Variants in STK26 observed in about 807,000 individuals in gnomAD.
The protein encoded by STK26 is serine/threonine-protein kinase 26.
Under a neutral mutation model 34.7 loss-of-function variants are expected in STK26, and 14 were observed. That is an observed-to-expected ratio of 0.40 (90% CI 0.27 to 0.63). STK26 has a LOEUF of 0.63. STK26 is among the 30% of genes least tolerant of loss of function. The probability of loss-of-function intolerance (pLI) is 0.38; values close to 1 mark genes in which losing one functional copy is unlikely to be tolerated. For missense variants in STK26, 226 were observed against 309.1 expected, an observed-to-expected ratio of 0.73 and a Z score of 2.02; for synonymous variants, 100 against 109.8, an observed-to-expected ratio of 0.91 and a Z score of 0.56.
Position 132,074,245 on chromosome X carries a change from C to T in STK26, c.*86C>T. On this transcript the variant is annotated 3_prime_UTR_variant, in exon 12 of 12. Transcript: ENST00000394334. ...AGATTAACAATGCTTAACCCATGAGCTCCATGTGCCTTTTGGATCTTTGCA... is the reference window on the plus strand; with the variant it reads ...AGATTAACAATGCTTAACCCATGAGTTCCATGTGCCTTTTGGATCTTTGCA... The T allele has an allele frequency of 1.1e-6, 1 of 928,848 alleles. No individual in the cohort carries two copies. The allele number at this position is 928,848 out of a possible 1,213,427, so 76.5% of individuals were successfully genotyped here. A position where few individuals can be genotyped will look rare whatever the true frequency, so the allele number is the denominator to read the frequency against.
At chrX:132,065,594 T>C (rs142536417) in intron 4 of STK26, among the ~76,000 whole-genome samples, 96 of 112,405 alleles carry the variant, frequency 8.5e-4, no homozygotes, top group African/African-American at 2.9e-3. Flanking sequence ...CTCATCCTGC[T>C]ATTCTGAACT....
chrX:132,045,426 T>G (rs1391453209), intron 2 of STK26, among the ~76,000 whole-genome samples: 1 of 111,861 alleles, frequency 8.9e-6, no homozygotes, highest in East Asian at 2.8e-4. Context: ...ACTTCACAGA[T>G]TCACACAGCT....
At chrX:132,062,927 T>C (rs1209084275) in intron 3 of STK26, among the ~76,000 whole-genome samples, 1 of 111,805 alleles carries the variant, frequency 8.9e-6, no homozygotes, top group Non-Finnish European at 1.9e-5. Flanking sequence ...CAACCATTTT[T>C]AAACCTACAT....
chrX:132,068,707 T>C (rs911781910), intron 6 of STK26, 138 bp downstream of exon 6: 4 of 684,875 alleles, frequency 5.8e-6, no homozygotes, highest in Non-Finnish European at 8.3e-6. Context: ...ATTTTGCTGC[T>C]TAATCATAAA....
intron 2 of STK26, among the ~76,000 whole-genome samples, chrX:132,042,125 A>G (rs1926288925): frequency 9.0e-6 from 1 of 111,403 alleles, no homozygotes; most frequent in South Asian, 3.8e-4. Flanking sequence ...AGGGATTAAC[A>G]TATTTACAAG....
chrX:132,039,471 A>G (rs1926183224), intron 2 of STK26, among the ~76,000 whole-genome samples: 1 of 111,588 alleles, frequency 9.0e-6, no homozygotes, highest in Non-Finnish European at 1.9e-5. Flanking sequence ...TGTAAAGTAA[A>G]GAGATTGCAT....
chrX:132,062,246 A>G (rs1189060616), intron 3 of STK26, among the ~76,000 whole-genome samples: 2 of 112,321 alleles, frequency 1.8e-5, no homozygotes, highest in Non-Finnish European at 3.8e-5. Context: ...TGGTCCCACA[A>G]AAATTCAGAG....
chrX:132,047,869 T>G (rs1450005788), intron 2 of STK26, among the ~76,000 whole-genome samples: 1 of 111,705 alleles, frequency 9.0e-6, no homozygotes, highest in East Asian at 2.8e-4. Context: ...TCTAGTTCTA[T>G]GAGGTCAATT....
At position 132,074,211 on chromosome X, in the gene STK26, C is replaced by G. The variant is rs1461535121; in HGVS notation, c.*52C>G. On this transcript the variant is annotated 3_prime_UTR_variant, in exon 12 of 12. Coordinates refer to ENST00000394334, the MANE Select transcript of STK26 (RefSeq NM_016542.4). The stretch of plus-strand genomic sequence containing the variant: ...TATGGACCCAGAGAGCCCCACCAAA[C>G]CTACGTCAAGATTAACAATGCTTAA... The G allele has an allele frequency of 8.8e-7, 1 of 1,134,665 alleles. No homozygotes were observed. Among genetic ancestry groups the G allele is most frequent in the Non-Finnish European group, 1.2e-6 (1 of 837,108 alleles). The allele number at this position is 1,134,665 out of a possible 1,213,427, so 93.5% of individuals were successfully genotyped here.
intron 2 of STK26, among the ~76,000 whole-genome samples, chrX:132,048,309 A>G (rs1197159469): frequency 8.9e-6 from 1 of 112,071 alleles, no homozygotes; most frequent in Non-Finnish European, 1.9e-5. Context: ...AATTTTTTCA[A>G]TTCTTTTAAG....
chrX:132,058,724 G>A (rs1926946756), intron 3 of STK26, among the ~76,000 whole-genome samples: 2 of 111,274 alleles, frequency 1.8e-5, no homozygotes, highest in African/African-American at 3.3e-5. Flanking sequence ...CAAAACCATC[G>A]TCCAAGATAG....
At chrX:132,063,312 C>A in intron 3 of STK26, 121 bp from the exon 4 acceptor site, 2 of 617,468 alleles carry the variant, frequency 3.2e-6, no homozygotes, top group East Asian at 3.4e-5. Context: ...TTTTTAGCTC[C>A]CACAAATAAA....
chrX:132,054,686 G>C lies in STK26; in HGVS notation c.98G>C (p.Gly33Ala). The part of the protein sequence containing the change: ...LFTKLERIGK[G>A]SFGEVFKGID... ...ACAAAATTAGAGCGCATTGGGAAAG[G>C]CTCATTTGGGGAAGTTTTCAAAGGA... The change falls in exon 3 of 12, where the codon GGC (glycine) becomes GCC (alanine). Residue 33 changes from glycine (G) to alanine (A), a missense_variant. Around this residue, in one of 2 missense-constraint regions of STK26, gnomAD observed 100 missense variants for 176.7 expected, o/e 0.57. Transcript: ENST00000394334. 1 of 1,211,553 alleles carries C rather than the reference G, an allele frequency of 8.3e-7. No individual in the cohort carries two copies. Among genetic ancestry groups the C allele is most frequent in the Non-Finnish European group, 1.1e-6 (1 of 895,393 alleles).
In STK26 at chrX:132,072,972, G is replaced by A. The variant is rs762060484; in HGVS notation, c.1105G>A (p.Glu369Lys). 63 of 1,210,150 alleles carry A rather than the reference G, an allele frequency of 5.2e-5. No individual in the cohort carries two copies. The highest frequency in any genetic ancestry group is 7.0e-5 in the Non-Finnish European group (63 of 894,678). ...PAFAELKQQD[E>K]NNASRNQAIE... The stretch of plus-strand genomic sequence containing the variant: ...TCTTTCTCAGCTTAAACAGCAGGAC[G>A]AGAATAACGCTAGCAGGAATCAGGC... The change falls in exon 11 of 12, where the codon GAG becomes AAG. Residue 369 changes from glutamate to lysine, a missense_variant. By Grantham distance (56) the Glu-to-Lys change is moderately conservative (BLOSUM62 1). Around this residue, in one of 2 missense-constraint regions of STK26, gnomAD observed 126 missense variants for 132.4 expected, o/e 0.95. Coordinates refer to ENST00000394334, the MANE Select transcript of STK26 (RefSeq NM_016542.4).
Position 132,072,801 on chromosome X carries a change from A to G in STK26, c.1027-12A>G, listed in dbSNP as rs780732043. On this transcript the variant is annotated splice_polypyrimidine_tract_variant and intron_variant, in intron 9 of 11. Transcript: ENST00000394334. ...TAATTTCATGTGTATAATCTATATTATTTGTTCAAAGGAGCAAGATCTTGT... is the reference window on the plus strand; with the variant it reads ...TAATTTCATGTGTATAATCTATATTGTTTGTTCAAAGGAGCAAGATCTTGT... 27 of 1,200,163 alleles carry G rather than the reference A, an allele frequency of 2.2e-5. 1 individual carries two copies. In the Admixed American group the frequency reaches 3.5e-4, roughly 16 times the overall value.
chrX:132,049,053 A>C (rs759455263), intron 2 of STK26, among the ~76,000 whole-genome samples: 1 of 111,931 alleles, frequency 8.9e-6, no homozygotes, highest in East Asian at 2.8e-4. Flanking sequence ...ATCATGGCTC[A>C]CTGTAGCCTC....
intron 2 of STK26, among the ~76,000 whole-genome samples, chrX:132,037,501 A>G (rs1233333361): frequency 8.9e-6 from 1 of 111,883 alleles, no homozygotes; most frequent in African/African-American, 3.2e-5. Flanking sequence ...TTTTTCCTGT[A>G]GAATAGTTTT....
At chrX:132,073,682 A>T in intron 11 of STK26, among the ~76,000 whole-genome samples, 1 of 112,344 alleles carries the variant, frequency 8.9e-6, no homozygotes, top group Non-Finnish European at 1.9e-5. Flanking sequence ...GCATGCACAC[A>T]TATACACTCC....
At chrX:132,053,723 G>C (rs992441170) in intron 2 of STK26, among the ~76,000 whole-genome samples, 1 of 111,466 alleles carries the variant, frequency 9.0e-6, no homozygotes, top group African/African-American at 3.3e-5. Context: ...CTTTTGGCAG[G>C]GTTGGCAATC....
Sources: allele counts gnomAD v4.1 joint callset (sites outside exome capture counted in the v4.1 genomes callset), GRCh38; gene constraint gnomAD v4.1.1; regional missense constraint gnomAD v4.1.1; transcripts MANE v1.5; gene names NCBI Gene and HGNC (gene_info 2026-07-23, HGNC 2026-07-21).